Variants in FHIT observed in about 807,000 individuals in gnomAD.
FHIT encodes bis(5'-adenosyl)-triphosphatase.
A neutral mutation model predicts 17.9 loss-of-function variants in FHIT; 19 were observed. The ratio of observed to expected loss-of-function variants is 1.06; its 90% CI spans 0.74 to 1.56. The LOEUF (loss-of-function observed/expected upper bound fraction) is 1.56. Ranked by LOEUF, FHIT falls within the 40% of genes most tolerant of loss-of-function variation. FHIT has a pLI of 0.00. For synonymous variants in FHIT, 81 were observed against 69.7 expected (o/e 1.16, Z -0.81); for missense variants, 248 against 189.2 (o/e 1.31, Z -1.82).
At chr3:60,495,666 T>C (rs933762146) in intron 5 of FHIT, among the ~76,000 whole-genome samples, 5 of 152,132 alleles carry the variant, frequency 3.3e-5, no homozygotes, top group Non-Finnish European at 7.4e-5. Context: ...AATGAATCCA[T>C]GTATTCAATG....
intron 4 of FHIT, among the ~76,000 whole-genome samples, chr3:60,569,647 TCA>T (rs2037282459): frequency 6.6e-6 from 1 of 150,398 alleles, no homozygotes; most frequent in Non-Finnish European, 1.5e-5. Flanking sequence ...CCCCTACATC[TCA>T]GTTTCCCCAT....
At chr3:59,895,405 C>A (rs1704026791) in intron 8 of FHIT, among the ~76,000 whole-genome samples, 1 of 152,168 alleles carries the variant, frequency 6.6e-6, no homozygotes, top group South Asian at 2.1e-4. Flanking sequence ...GGTCAGCTAC[C>A]ATTTTTCTTC....
At chr3:60,612,136 G>A (rs534751867) in intron 4 of FHIT, among the ~76,000 whole-genome samples, 1 of 152,154 alleles carries the variant, frequency 6.6e-6, no homozygotes, top group South Asian at 2.1e-4. Context: ...GCATCCTAGG[G>A]GGGCTCTCCA....
chr3:61,205,189 T>C, intron 1 of FHIT, among the ~76,000 whole-genome samples: 1 of 152,106 alleles, frequency 6.6e-6, no homozygotes, highest in African/African-American at 2.4e-5. Flanking sequence ...CCATGGTGTA[T>C]ATGTGCCACA....
At chr3:60,106,685 T>C (rs1009485191) in intron 5 of FHIT, among the ~76,000 whole-genome samples, 1 of 152,144 alleles carries the variant, frequency 6.6e-6, no homozygotes, top group African/African-American at 2.4e-5. Flanking sequence ...GACTCCCCTA[T>C]CCTTTCTATC....
chr3:61,156,797 A>G (rs2037546396), intron 2 of FHIT, among the ~76,000 whole-genome samples: 1 of 152,256 alleles, frequency 6.6e-6, no homozygotes, highest in Non-Finnish European at 1.5e-5. Flanking sequence ...TAGGTGAGAC[A>G]AAGCATGACT....
In FHIT at chr3:61,073,089, A is replaced by G. The variant is rs543131104; in HGVS notation, c.-163-30990T>C. On this transcript the variant is annotated intron_variant, in intron 2 of 9. Transcript: ENST00000492590. ...TCTTGCTAAAAATTCGAGGCCTTCT[A>G]AAAAAAACAAAATCTTGAACAACAA... 2.4e-4 allele frequency among the ~76,000 whole-genome samples: 36 copies of G among 151,954 alleles called. 1 individual carries two copies. The South Asian group carries it at 7.5e-3, about 32-fold the overall frequency.
At chr3:61,036,116 T>C (rs1434878666) in intron 3 of FHIT, among the ~76,000 whole-genome samples, 1 of 152,204 alleles carries the variant, frequency 6.6e-6, no homozygotes, top group Admixed American at 6.5e-5. Flanking sequence ...TGGCATCTGC[T>C]CGGCTTCTGG....
At chr3:60,095,245 G>C (rs960115755) in intron 5 of FHIT, among the ~76,000 whole-genome samples, 6 of 152,144 alleles carry the variant, frequency 3.9e-5, no homozygotes, top group Admixed American at 3.3e-4. Flanking sequence ...AGATAGCTTT[G>C]AAAGCAGTGC....
intron 2 of FHIT, among the ~76,000 whole-genome samples, chr3:61,110,849 G>GA (rs2036136826): frequency 6.6e-6 from 1 of 152,046 alleles, no homozygotes; most frequent in South Asian, 2.1e-4. Context: ...CTTTACTCTT[G>GA]AAAAAAAGCT....
At chr3:60,520,240 G>GT (rs747756039) in intron 5 of FHIT, among the ~76,000 whole-genome samples, 16 of 151,290 alleles carry the variant, frequency 1.1e-4, no homozygotes, top group Non-Finnish European at 1.8e-4. Context: ...TTTCTAGCTA[G>GT]TTTTTTTTCA....
At chr3:60,012,544 C>T (rs148218670) in intron 6 of FHIT, among the ~76,000 whole-genome samples, 2 of 152,024 alleles carry the variant, frequency 1.3e-5, no homozygotes, top group Non-Finnish European at 1.5e-5. Flanking sequence ...GCTGGGATTA[C>T]AGGTGTGAGC....
intron 7 of FHIT, among the ~76,000 whole-genome samples, chr3:59,953,265 T>C (rs1707213720): frequency 6.6e-6 from 1 of 152,066 alleles, no homozygotes; most frequent in South Asian, 2.1e-4. Flanking sequence ...TCTCTGTTTC[T>C]CTCTCGGTCT....
At chr3:61,066,556 A>C (rs981865987) in intron 2 of FHIT, among the ~76,000 whole-genome samples, 1 of 152,220 alleles carries the variant, frequency 6.6e-6, no homozygotes, top group Non-Finnish European at 1.5e-5. Flanking sequence ...CAAAGGTTGC[A>C]GTGAGCAGAG....
At chr3:60,860,800 T>G (rs1703744918) in intron 3 of FHIT, among the ~76,000 whole-genome samples, 1 of 6,128 alleles carries the variant, frequency 1.6e-4, no homozygotes, top group African/African-American at 2.2e-4. Flanking sequence ...ATGATACATA[T>G]GTACATATAT....
intron 4 of FHIT, among the ~76,000 whole-genome samples, chr3:60,748,505 T>A (rs929985875): frequency 6.6e-6 from 1 of 152,102 alleles, no homozygotes; most frequent in Admixed American, 6.6e-5. Context: ...GTACACATCC[T>A]CCCGTATAAT....
At chr3:60,633,204 A>G (rs1055225926) in intron 4 of FHIT, among the ~76,000 whole-genome samples, 1 of 152,204 alleles carries the variant, frequency 6.6e-6, no homozygotes. Flanking sequence ...TAGGGAGGCA[A>G]TAGTTAGGAA....
chr3:59,980,911 T>C (rs1258738808), intron 7 of FHIT, among the ~76,000 whole-genome samples: 1 of 152,202 alleles, frequency 6.6e-6, no homozygotes, highest in Non-Finnish European at 1.5e-5. Context: ...CAATGTGTCC[T>C]AAAATTAATT....
intron 4 of FHIT, among the ~76,000 whole-genome samples, chr3:60,543,113 T>G (rs1031430329): frequency 5.9e-5 from 9 of 152,132 alleles, no homozygotes; most frequent in African/African-American, 2.2e-4. Flanking sequence ...TTTTTTTTTC[T>G]GTAAAGGACC....
Sources: allele counts gnomAD v4.1 joint callset (sites outside exome capture counted in the v4.1 genomes callset), GRCh38; gene constraint gnomAD v4.1.1; transcripts MANE v1.5; gene names NCBI Gene and HGNC (gene_info 2026-07-23, HGNC 2026-07-21).